PTGFRN: variants seen among roughly 807,000 people sequenced by gnomAD.
The protein encoded by PTGFRN is prostaglandin F2 receptor negative regulator.
In PTGFRN, 35 loss-of-function variants were observed where a neutral mutation model predicts 83.2. The observed-to-expected ratio is 0.42, with a 90% CI of 0.32 to 0.56. The LOEUF (loss-of-function observed/expected upper bound fraction) is 0.56, where lower values mean the gene tolerates loss of function less well. Among genes scored for constraint, PTGFRN ranks in the 20% least tolerant of loss-of-function variants. The probability of loss-of-function intolerance (pLI) is 0.11; values close to 1 mark genes in which losing one functional copy is unlikely to be tolerated. For synonymous variants in PTGFRN, 519 were observed against 498.6 expected (o/e 1.04, Z -0.55); for missense variants, 1,051 against 1,179.5 (o/e 0.89, Z 1.60).
chr1:116,977,778 TA>T (rs1651197498), intron 7 of PTGFRN, among the ~76,000 whole-genome samples: 1 of 152,098 alleles, frequency 6.6e-6, no homozygotes, highest in African/African-American at 2.4e-5. Flanking sequence ...AGGAAAGATC[TA>T]AAATTGACAC....
intron 1 of PTGFRN, among the ~76,000 whole-genome samples, chr1:116,928,060 C>T (rs755483647): frequency 6.6e-6 from 1 of 152,144 alleles, no homozygotes; most frequent in Non-Finnish European, 1.5e-5. Context: ...GTCTCTGGAC[C>T]ACCCTTCTTA....
Position 116,972,973 on chromosome 1 carries a change from T to C in PTGFRN, c.2060-1243T>C, listed in dbSNP as rs560825604. ...TAATTTTATTTATTTATTTATTTAT[T>C]GAGACAGTGGCACGATCTTGACTCA... On this transcript the variant is annotated intron_variant, in intron 6 of 8. Coordinates refer to ENST00000393203, the MANE Select transcript of PTGFRN (RefSeq NM_020440.4). Among the ~76,000 whole-genome samples, 5 of 152,262 alleles carry C rather than the reference T, an allele frequency of 3.3e-5. 1 individual carries two copies. Among genetic ancestry groups the C allele is most frequent in the African/African-American group, 1.2e-4 (5 of 41,540 alleles).
At chr1:116,968,482 T>C (rs1384795667) in intron 6 of PTGFRN, among the ~76,000 whole-genome samples, 1 of 152,140 alleles carries the variant, frequency 6.6e-6, no homozygotes, top group Non-Finnish European at 1.5e-5. Context: ...TTTAAGCCCT[T>C]AGATTTGGAG....
chr1:116,916,528 A>G (rs1649410916), intron 1 of PTGFRN, among the ~76,000 whole-genome samples: 1 of 152,188 alleles, frequency 6.6e-6, no homozygotes, highest in Admixed American at 6.5e-5. Context: ...GGCCTCAGTA[A>G]GGGACTCACA....
At chr1:116,948,788 G>A (rs1273480682) in intron 3 of PTGFRN, among the ~76,000 whole-genome samples, 2 of 152,160 alleles carry the variant, frequency 1.3e-5, no homozygotes, top group Non-Finnish European at 2.9e-5. Context: ...AGTTTCTAAA[G>A]GCAGATAGCC....
intron 4 of PTGFRN, among the ~76,000 whole-genome samples, chr1:116,951,633 G>C (rs1650349869): frequency 6.6e-6 from 1 of 152,200 alleles, no homozygotes; most frequent in African/African-American, 2.4e-5. Flanking sequence ...CCTAACGAAA[G>C]AGCGAGTAGT....
chr1:116,938,908 G>C (rs1020112869), intron 1 of PTGFRN, among the ~76,000 whole-genome samples: 1 of 152,280 alleles, frequency 6.6e-6, no homozygotes, highest in East Asian at 1.9e-4. Context: ...GGGGCTACAG[G>C]CCCCATGCAA....
At chr1:116,976,099 G>A (rs549515642) in intron 7 of PTGFRN, among the ~76,000 whole-genome samples, 5 of 152,224 alleles carry the variant, frequency 3.3e-5, no homozygotes, top group East Asian at 3.9e-4. Flanking sequence ...TAGCTGATTC[G>A]GTCAACTGGA....
chr1:116,943,618 C>G (rs370890522), intron 2 of PTGFRN, among the ~76,000 whole-genome samples: 59 of 152,190 alleles, frequency 3.9e-4, no homozygotes, highest in African/African-American at 1.3e-3. Flanking sequence ...GCTCTTGAAA[C>G]TATTCATCTG....
intron 1 of PTGFRN, among the ~76,000 whole-genome samples, chr1:116,921,692 G>A (rs1233785697): frequency 1.3e-5 from 2 of 151,522 alleles, no homozygotes; most frequent in Non-Finnish European, 2.9e-5. Context: ...CTGACATTGT[G>A]CAAGATTACA....
At chr1:116,980,057 A>G (rs998669471) in intron 7 of PTGFRN, among the ~76,000 whole-genome samples, 2 of 152,204 alleles carry the variant, frequency 1.3e-5, no homozygotes, top group African/African-American at 4.8e-5. Context: ...GGCAAAGGAT[A>G]TGAGCAGACA....
At chr1:116,955,878 T>C (rs1259710365) in intron 4 of PTGFRN, among the ~76,000 whole-genome samples, 1 of 152,068 alleles carries the variant, frequency 6.6e-6, no homozygotes, top group East Asian at 1.9e-4. Context: ...CATAAAACCC[T>C]TAGAGAGCAG....
chr1:116,975,320 G>T (rs1271687546), intron 7 of PTGFRN, among the ~76,000 whole-genome samples: 1 of 152,196 alleles, frequency 6.6e-6, no homozygotes, highest in Admixed American at 6.5e-5. Flanking sequence ...CAAACAAAAG[G>T]CAGCAGAAAC....
In PTGFRN at chr1:116,989,622, C is replaced by T. The variant is rs1430026589; in HGVS notation, c.*2655C>T. The T allele has an allele frequency of 1.3e-5, 2 of 152,394 alleles. No homozygotes were observed. The highest frequency in any genetic ancestry group is 2.9e-5 in the Non-Finnish European group (2 of 67,994). The allele number at this position is 152,394 out of a possible 1,614,324, so 9.4% of individuals were successfully genotyped here. A position where few individuals can be genotyped will look rare whatever the true frequency, so the allele number is the denominator to read the frequency against. On this transcript the variant is annotated 3_prime_UTR_variant, in exon 9 of 9. Coordinates refer to ENST00000393203, the MANE Select transcript of PTGFRN (RefSeq NM_020440.4). ...TTTTTCCTAATCATAAAAATAGCCC[C>T]AGAAAGAGCCTAAGCTATGTTCAGA...
chr1:116,932,409 C>T (rs998103940), intron 1 of PTGFRN, among the ~76,000 whole-genome samples: 3 of 152,056 alleles, frequency 2.0e-5, no homozygotes, highest in African/African-American at 2.4e-5. Context: ...AAATGGTAAT[C>T]GGGAAACAAT....
rs1650553804 is a variant in PTGFRN at position 116,958,308 on chromosome 1, T to C, written c.1214-2935T>C. Among the ~76,000 whole-genome samples the C allele has an allele frequency of 6.6e-6, 1 of 152,168 alleles. No individual in the cohort carries two copies. Among genetic ancestry groups the C allele is most frequent in the Non-Finnish European group, 1.5e-5 (1 of 68,036 alleles). On this transcript the variant is annotated intron_variant, in intron 4 of 8. Coordinates refer to ENST00000393203, the MANE Select transcript of PTGFRN (RefSeq NM_020440.4). The surrounding 1 kb of genome is among the most constrained non-coding windows in gnomAD (Gnocchi z 4.9). ...GGGTCACATTCCCTGTGGCAGTAACTTAGTGTCATGGCAGCACTGCACTCA... is the reference window on the plus strand; with the variant it reads ...GGGTCACATTCCCTGTGGCAGTAACCTAGTGTCATGGCAGCACTGCACTCA...
intron 4 of PTGFRN, among the ~76,000 whole-genome samples, chr1:116,959,949 G>C (rs1238150600): frequency 6.6e-6 from 1 of 151,742 alleles, no homozygotes; most frequent in Admixed American, 6.6e-5. Context: ...CTCCACTTGG[G>C]GACAGTAAGA....
intron 7 of PTGFRN, among the ~76,000 whole-genome samples, chr1:116,982,535 T>C (rs1335192126): frequency 6.6e-6 from 1 of 152,030 alleles, no homozygotes; most frequent in Non-Finnish European, 1.5e-5. Flanking sequence ...TCTGAGGCAG[T>C]ATCTTAGGTC....
chr1:116,930,792 A>AC (rs1649776469), intron 1 of PTGFRN, among the ~76,000 whole-genome samples: 1 of 151,810 alleles, frequency 6.6e-6, no homozygotes, highest in Non-Finnish European at 1.5e-5. Context: ...TGTTTTAGTC[A>AC]CCCTGTCTTC....
Sources: allele counts gnomAD v4.1 joint callset (sites outside exome capture counted in the v4.1 genomes callset), GRCh38; gene constraint gnomAD v4.1.1; non-coding constraint Gnocchi (gnomAD v3.1); transcripts MANE v1.5; gene names NCBI Gene and HGNC (gene_info 2026-07-23, HGNC 2026-07-21).